FHIP1A: variants seen among roughly 807,000 people sequenced by gnomAD.
FHIP1A encodes FHF complex subunit HOOK-interacting protein 1A.
A neutral mutation model predicts 88.6 loss-of-function variants in FHIP1A; 61 were observed. The ratio of observed to expected loss-of-function variants is 0.69; its 90% CI spans 0.56 to 0.85. The LOEUF is 0.85. Ranked by LOEUF, FHIP1A falls within the 40% of genes least tolerant of loss-of-function variation. The probability of loss-of-function intolerance (pLI) is 0.00; values close to 1 mark genes in which losing one functional copy is unlikely to be tolerated. For missense variants in FHIP1A, 1,154 were observed against 1,273.5 expected, an observed-to-expected ratio of 0.91 and a Z score of 1.43; for synonymous variants, 478 against 496.0, an observed-to-expected ratio of 0.96 and a Z score of 0.48.
Position 151,662,648 on chromosome 4 carries a change from C to T in FHIP1A, c.3017C>T (p.Ala1006Val). The part of the protein sequence containing the change: ...LPLPVRNPML[A>V]AALFPEFLKE... Reference sequence around the variant, plus strand: ...CTGCCGGTGAGGAACCCCATGCTGGCTGCTGCCCTCTTCCCAGAGTTCCTG... The same window carrying T: ...CTGCCGGTGAGGAACCCCATGCTGGTTGCTGCCCTCTTCCCAGAGTTCCTG... Residue 1006 changes from alanine (A) to valine (V), a missense_variant, in exon 14 of 14, where the codon GCT becomes GTT. Coordinates refer to ENST00000435205, the MANE Select transcript of FHIP1A (RefSeq NM_001109977.3). The T allele has an allele frequency of 6.4e-7, 1 of 1,551,670 alleles. No individual in the cohort carries two copies. The highest frequency in any genetic ancestry group is 8.7e-7 in the Non-Finnish European group (1 of 1,146,980).
intron 3 of FHIP1A, among the ~76,000 whole-genome samples, chr4:151,500,314 T>C (rs964218498): frequency 1.3e-5 from 2 of 151,338 alleles, no homozygotes; most frequent in Non-Finnish European, 2.9e-5. Context: ...GGCAACTCAA[T>C]AAAAGAAGGC....
At chr4:151,524,833 G>A (rs1049930855) in intron 3 of FHIP1A, among the ~76,000 whole-genome samples, 1 of 152,194 alleles carries the variant, frequency 6.6e-6, no homozygotes, top group Admixed American at 6.5e-5. Flanking sequence ...AGGACAGCAG[G>A]AAATGCCTTT....
intron 1 of FHIP1A, among the ~76,000 whole-genome samples, chr4:151,439,668 G>A (rs1231714914): frequency 7.2e-5 from 11 of 152,108 alleles, no homozygotes; most frequent in Non-Finnish European, 2.9e-5. Flanking sequence ...ATCTTTTCAA[G>A]CCACAACAAT....
intron 7 of FHIP1A, among the ~76,000 whole-genome samples, chr4:151,613,684 G>C (rs576955713): frequency 8.5e-5 from 13 of 152,328 alleles, no homozygotes; most frequent in African/African-American, 3.1e-4. Flanking sequence ...TGACCAGGAG[G>C]CTTTGTGATG....
At chr4:151,428,821 G>T (rs950241810) in intron 1 of FHIP1A, among the ~76,000 whole-genome samples, 2 of 152,020 alleles carry the variant, frequency 1.3e-5, no homozygotes, top group African/African-American at 4.8e-5. Flanking sequence ...ACCATACTTG[G>T]AACACCATTC....
intron 3 of FHIP1A, among the ~76,000 whole-genome samples, chr4:151,538,018 A>G (rs1022615253): frequency 6.6e-6 from 1 of 152,190 alleles, no homozygotes; most frequent in African/African-American, 2.4e-5. Flanking sequence ...ATGGTGGTGA[A>G]TGTGACAGTG....
chr4:151,520,011 G>A (rs567721521), intron 3 of FHIP1A, among the ~76,000 whole-genome samples: 26 of 152,044 alleles, frequency 1.7e-4, no homozygotes, highest in African/African-American at 4.8e-4. Context: ...TATGTTTTGC[G>A]GATCTTTATT....
chr4:151,536,628 G>A (rs1450177755), intron 3 of FHIP1A, among the ~76,000 whole-genome samples: 2 of 152,162 alleles, frequency 1.3e-5, no homozygotes, highest in African/African-American at 2.4e-5. Flanking sequence ...GCTGTTGTTG[G>A]TATCAATAGT....
intron 7 of FHIP1A, among the ~76,000 whole-genome samples, chr4:151,619,088 A>G (rs2126860610): frequency 6.6e-6 from 1 of 152,244 alleles, no homozygotes; most frequent in African/African-American, 2.4e-5. Flanking sequence ...GATACCTGAG[A>G]AGGACAGGTC....
At chr4:151,601,770 C>G (rs951679362) in intron 7 of FHIP1A, among the ~76,000 whole-genome samples, 3 of 151,556 alleles carry the variant, frequency 2.0e-5, no homozygotes, top group African/African-American at 7.3e-5. Context: ...GCTGTGTGAA[C>G]TTGTGCAAAG....
intron 8 of FHIP1A, among the ~76,000 whole-genome samples, chr4:151,634,213 G>T (rs545207600): frequency 7.9e-5 from 12 of 151,866 alleles, no homozygotes; most frequent in African/African-American, 2.9e-4. Flanking sequence ...CTTAACTGAG[G>T]AGGTGAAAGA....
At chr4:151,561,621 T>G (rs1479570521) in intron 3 of FHIP1A, among the ~76,000 whole-genome samples, 4 of 152,206 alleles carry the variant, frequency 2.6e-5, no homozygotes, top group Non-Finnish European at 5.9e-5. Flanking sequence ...AGATGGAATT[T>G]TACATGATAA....
intron 1 of FHIP1A, among the ~76,000 whole-genome samples, chr4:151,439,932 A>G (rs1410930552): frequency 6.6e-6 from 1 of 152,146 alleles, no homozygotes; most frequent in Non-Finnish European, 1.5e-5. Context: ...TATTGTCTCT[A>G]TCTCCATGTT....
At chr4:151,437,167 T>C (rs1268589550) in intron 1 of FHIP1A, among the ~76,000 whole-genome samples, 1 of 152,136 alleles carries the variant, frequency 6.6e-6, no homozygotes, top group East Asian at 1.9e-4. Flanking sequence ...GGCCTGCATA[T>C]GTTTTGCATG....
At chr4:151,415,923 T>G (rs1281528258) in intron 1 of FHIP1A, among the ~76,000 whole-genome samples, 1 of 151,824 alleles carries the variant, frequency 6.6e-6, no homozygotes, top group Non-Finnish European at 1.5e-5. Flanking sequence ...GAGCTGCTAA[T>G]TAGCTTTTAT....
chr4:151,473,129 A>T (rs566335669), intron 2 of FHIP1A, among the ~76,000 whole-genome samples: 7 of 152,248 alleles, frequency 4.6e-5, no homozygotes, highest in Admixed American at 4.6e-4. Context: ...TGTAAATGTA[A>T]TAGCAGTCAG....
At chr4:151,598,222 A>G (rs997448766) in intron 7 of FHIP1A, among the ~76,000 whole-genome samples, 3 of 152,118 alleles carry the variant, frequency 2.0e-5, no homozygotes, top group African/African-American at 7.2e-5. Flanking sequence ...AATGTGTAGT[A>G]TCTGGGCTGG....
chr4:151,643,707 GCTTATTTCAC>G (rs1736682705), intron 9 of FHIP1A, among the ~76,000 whole-genome samples: 1 of 152,052 alleles, frequency 6.6e-6, no homozygotes, highest in Admixed American at 6.6e-5. Context: ...TTTGTGCCTG[GCTTATTTCAC>G]TTAACATAAT....
Position 151,488,897 on chromosome 4 carries a change from A to T in FHIP1A, c.-123+6249A>T, listed in dbSNP as rs76794951. Reference sequence around the variant, plus strand: ...ACATGCTTCCTACTTTTGTAAAATAACTCGAGCTGGTGGAGAGAGAGTGGG... The same window carrying T: ...ACATGCTTCCTACTTTTGTAAAATATCTCGAGCTGGTGGAGAGAGAGTGGG... On this transcript the variant is annotated intron_variant, in intron 3 of 13. Transcript: ENST00000435205. Among the ~76,000 whole-genome samples, 41 of 152,314 alleles carry T rather than the reference A, an allele frequency of 2.7e-4. No homozygotes were observed. The East Asian group carries it at 7.1e-3, about 27-fold the overall frequency.
Sources: allele counts gnomAD v4.1 joint callset (sites outside exome capture counted in the v4.1 genomes callset), GRCh38; gene constraint gnomAD v4.1.1; transcripts MANE v1.5; gene names NCBI Gene and HGNC (gene_info 2026-07-23, HGNC 2026-07-21).